Variants in KCNIP4 observed in about 807,000 individuals in gnomAD.
KCNIP4 encodes the protein Kv channel-interacting protein 4.
In KCNIP4, 12 loss-of-function variants were observed where a neutral mutation model predicts 34.0. The observed-to-expected ratio is 0.35, with a 90% CI of 0.23 to 0.57. The LOEUF (loss-of-function observed/expected upper bound fraction) is 0.57, where lower values mean the gene tolerates loss of function less well. Ranked by LOEUF, KCNIP4 falls within the 20% of genes least tolerant of loss-of-function variation. The pLI is 0.83. For synonymous variants in KCNIP4, 124 were observed against 102.2 expected, an observed-to-expected ratio of 1.21 and a Z score of -1.29; for missense variants, 238 against 311.7, an observed-to-expected ratio of 0.76 and a Z score of 1.78.
chr4:21,114,751 G>A (rs894832379), intron 1 of KCNIP4, among the ~76,000 whole-genome samples: 6 of 151,900 alleles, frequency 3.9e-5, no homozygotes, highest in African/African-American at 9.7e-5. Context: ...ATCATTTTCC[G>A]ATGAAAAAAC....
At chr4:21,230,898 C>T (rs1420928410) in intron 1 of KCNIP4, among the ~76,000 whole-genome samples, 1 of 152,118 alleles carries the variant, frequency 6.6e-6, no homozygotes, top group Non-Finnish European at 1.5e-5. Flanking sequence ...ATTTCTGGAT[C>T]AAATGGTATT....
intron 3 of KCNIP4, among the ~76,000 whole-genome samples, chr4:20,804,667 G>C (rs1297053182): frequency 6.6e-6 from 1 of 152,030 alleles, no homozygotes; most frequent in African/African-American, 2.4e-5. Context: ...CTACTTGATT[G>C]GGTGTGTATT....
At chr4:20,768,256 TTGCTCTGATAATG>T (rs1375937727) in intron 3 of KCNIP4, among the ~76,000 whole-genome samples, 3 of 152,064 alleles carry the variant, frequency 2.0e-5, no homozygotes, top group Non-Finnish European at 1.5e-5. Context: ...GAAAATGAAT[TTGCTCTGATAATG>T]TCCTTCAAAA....
At chr4:21,334,759 A>G (rs2109332756) in intron 1 of KCNIP4, among the ~76,000 whole-genome samples, 1 of 151,938 alleles carries the variant, frequency 6.6e-6, no homozygotes, top group East Asian at 1.9e-4. Context: ...AAAATGTATT[A>G]TACAGTATGT....
chr4:21,943,339 T>G (rs1396883543), intron 1 of KCNIP4, among the ~76,000 whole-genome samples: 1 of 152,108 alleles, frequency 6.6e-6, no homozygotes, highest in Admixed American at 6.6e-5. Context: ...TCTTGATGGA[T>G]ATACAGATTT....
intron 1 of KCNIP4, among the ~76,000 whole-genome samples, chr4:21,735,346 T>G (rs1235898606): frequency 1.3e-5 from 2 of 152,158 alleles, no homozygotes; most frequent in Non-Finnish European, 2.9e-5. Context: ...GAAGTTATAA[T>G]TCAATAAATT....
intron 1 of KCNIP4, among the ~76,000 whole-genome samples, chr4:21,607,305 T>C (rs1462732042): frequency 6.6e-6 from 1 of 152,136 alleles, no homozygotes; most frequent in Non-Finnish European, 1.5e-5. Context: ...TGTGTTAATA[T>C]ATGAAATGTG....
intron 1 of KCNIP4, among the ~76,000 whole-genome samples, chr4:21,249,742 A>G (rs1760549540): frequency 6.6e-6 from 1 of 152,134 alleles, no homozygotes; most frequent in Non-Finnish European, 1.5e-5. Context: ...ATTTTCATTT[A>G]AATTAGTTCA....
chr4:21,321,521 A>G (rs1714413742), intron 1 of KCNIP4, among the ~76,000 whole-genome samples: 1 of 152,104 alleles, frequency 6.6e-6, no homozygotes, highest in African/African-American at 2.4e-5. Flanking sequence ...ATGGGTAGAC[A>G]ATACGAAGAA....
chr4:21,659,689 T>C (rs1748284298), intron 1 of KCNIP4, among the ~76,000 whole-genome samples: 1 of 152,140 alleles, frequency 6.6e-6, no homozygotes, highest in Non-Finnish European at 1.5e-5. Context: ...AATTATTGAT[T>C]GTTATTATTA....
rs146326916 is a variant in KCNIP4, at chr4:20,805,814, T to C, written c.288+44729A>G. Among the ~76,000 whole-genome samples the C allele has an allele frequency of 4.4e-3, 672 of 152,190 alleles. 5 individuals are homozygous for C. Among genetic ancestry groups the C allele is most frequent in the Non-Finnish European group, 7.4e-3 (506 of 67,968 alleles). Reference sequence around the variant, plus strand: ...GTAGAAAAATTTCAAACTGAACGGATTTCAATTTCATCTCCTTACCTGGTT... The same window carrying C: ...GTAGAAAAATTTCAAACTGAACGGACTTCAATTTCATCTCCTTACCTGGTT... On this transcript the variant is annotated intron_variant, in intron 3 of 8. Coordinates refer to ENST00000382152, the MANE Select transcript of KCNIP4 (RefSeq NM_025221.6).
At chr4:21,900,411 T>C (rs1296075407) in intron 1 of KCNIP4, among the ~76,000 whole-genome samples, 3 of 152,220 alleles carry the variant, frequency 2.0e-5, no homozygotes, top group Admixed American at 2.0e-4. Flanking sequence ...ATTCATTTCC[T>C]GAATGAGTAA....
intron 1 of KCNIP4, among the ~76,000 whole-genome samples, chr4:21,394,721 G>A (rs182362871): frequency 6.6e-5 from 10 of 152,200 alleles, no homozygotes; most frequent in Admixed American, 6.5e-4. Flanking sequence ...CCAGATGCCT[G>A]CTCCCTATAG....
intron 1 of KCNIP4, among the ~76,000 whole-genome samples, chr4:20,984,930 T>C (rs938395968): frequency 1.3e-5 from 2 of 152,146 alleles, no homozygotes; most frequent in Admixed American, 6.5e-5. Context: ...CCCAGGTGAC[T>C]CTTATCAACT....
At chr4:21,836,146 G>A (rs1723305851) in intron 1 of KCNIP4, among the ~76,000 whole-genome samples, 1 of 152,114 alleles carries the variant, frequency 6.6e-6, no homozygotes, top group Admixed American at 6.5e-5. Context: ...GCTGGGAAGT[G>A]GGTGCATTGT....
intron 1 of KCNIP4, among the ~76,000 whole-genome samples, chr4:21,295,788 C>A (rs1184756964): frequency 1.3e-5 from 2 of 152,000 alleles, no homozygotes; most frequent in Non-Finnish European, 2.9e-5. Context: ...ATTATATATT[C>A]CTATATATTC....
chr4:20,935,490 A>G (rs2149608609), intron 1 of KCNIP4, among the ~76,000 whole-genome samples: 1 of 152,266 alleles, frequency 6.6e-6, no homozygotes, highest in East Asian at 1.9e-4. Flanking sequence ...GAAATGTATC[A>G]AGATATCTCC....
chr4:21,727,989 T>C (rs1450529614), intron 1 of KCNIP4, among the ~76,000 whole-genome samples: 1 of 152,200 alleles, frequency 6.6e-6, no homozygotes, highest in Admixed American at 6.6e-5. Flanking sequence ...TATCTAATAC[T>C]ACACTGTACT....
At chr4:21,553,538 A>C (rs1451408614) in intron 1 of KCNIP4, among the ~76,000 whole-genome samples, 2 of 152,062 alleles carry the variant, frequency 1.3e-5, no homozygotes, top group African/African-American at 4.8e-5. Context: ...GAAGCCTTTT[A>C]AAATGCACTT....
Sources: gnomAD v4.1 joint callset for allele counts (sites outside exome capture counted in the v4.1 genomes callset) on GRCh38, gnomAD v4.1.1 for gene constraint, MANE v1.5 for transcripts, NCBI Gene and HGNC (gene_info 2026-07-23, HGNC 2026-07-21) for gene names.